The following MAD1L1 variants were observed in gnomAD, a reference collection of about 807,000 sequenced individuals.
MAD1L1 encodes the protein mitotic spindle assembly checkpoint protein MAD1.
Under a neutral mutation model 96.9 loss-of-function variants are expected in MAD1L1, and 95 were observed. The observed-to-expected ratio is 0.98, with a 90% CI of 0.83 to 1.16. The LOEUF (loss-of-function observed/expected upper bound fraction) is 1.16. Ranked by LOEUF, MAD1L1 falls within the 50% of genes most tolerant of loss-of-function variation. The probability of loss-of-function intolerance (pLI) is 0.00; values close to 1 mark genes in which losing one functional copy is unlikely to be tolerated. For synonymous variants in MAD1L1, 473 were observed against 396.6 expected, an observed-to-expected ratio of 1.19 and a Z score of -2.29; for missense variants, 1,007 against 954.4, an observed-to-expected ratio of 1.06 and a Z score of -0.73.
At chr7:1,938,899 G>T (rs1778773634) in intron 16 of MAD1L1, among the ~76,000 whole-genome samples, 1 of 57,802 alleles carries the variant, frequency 1.7e-5, no homozygotes, top group Non-Finnish European at 2.8e-5. Flanking sequence ...GGGGCCAGAG[G>T]CGCGCACACA....
At chr7:2,046,146 G>A (rs1311876561) in intron 12 of MAD1L1, among the ~76,000 whole-genome samples, 1 of 152,160 alleles carries the variant, frequency 6.6e-6, no homozygotes, top group Non-Finnish European at 1.5e-5. Context: ...GGATGCGGGT[G>A]GTGGCGCAGG....
chr7:2,169,719 C>A (rs62443039), intron 10 of MAD1L1, among the ~76,000 whole-genome samples: 1 of 142,832 alleles, frequency 7.0e-6, no homozygotes, highest in East Asian at 2.0e-4. Flanking sequence ...GGCTGGACCA[C>A]AGTCTGGGTG....
chr7:1,888,541 CGT>C (rs10593378), intron 18 of MAD1L1, among the ~76,000 whole-genome samples: 147 of 141,810 alleles, frequency 1.0e-3, no homozygotes, highest in Non-Finnish European at 1.5e-3. Context: ...GTTGCCTGTG[CGT>C]GTGTGTGAGC....
chr7:2,228,022 C>T (rs988491272), intron 3 of MAD1L1, among the ~76,000 whole-genome samples: 2 of 146,710 alleles, frequency 1.4e-5, no homozygotes, highest in Non-Finnish European at 3.1e-5. Context: ...GGGGGCTCAG[C>T]AGGAGAGAGA....
intron 11 of MAD1L1, among the ~76,000 whole-genome samples, chr7:2,090,914 GC>G (rs1278417766): frequency 1.3e-5 from 2 of 152,170 alleles, no homozygotes; most frequent in African/African-American, 4.8e-5. Flanking sequence ...TCTCTTGAGG[GC>G]AGAGAACTAC....
rs1235318780 is a variant in MAD1L1 at position 2,043,937 on chromosome 7, G to A, written c.1218+25257C>T. On this transcript the variant is annotated intron_variant, in intron 12 of 18. Transcript: ENST00000265854. ...CAGGAACAGGGTGTGGGTGGCGGCC[G>A]CGGGCTCGGACGTGACTCAAGCACA... Among the ~76,000 whole-genome samples the A allele has an allele frequency of 1.1e-4, 17 of 152,222 alleles. 1 individual carries two copies. Among genetic ancestry groups the A allele is most frequent in the Admixed American group, 9.2e-4 (14 of 15,292 alleles).
At chr7:2,008,239 C>T (rs1280770678) in intron 13 of MAD1L1, among the ~76,000 whole-genome samples, 1 of 152,192 alleles carries the variant, frequency 6.6e-6, no homozygotes, top group Non-Finnish European at 1.5e-5. Flanking sequence ...GAGCAGCTCC[C>T]GCAGGGCCTC....
chr7:2,216,296 G>A lies in MAD1L1; in HGVS notation c.679-9C>T, dbSNP rs906209810. On this transcript the variant is annotated splice_polypyrimidine_tract_variant and intron_variant, in intron 7 of 18. Transcript: ENST00000265854. ...AGCTTCTGCTCCAGATCCTGATGGAGGCCAGGGACAGAGAAGAAGGGAAAA... is the reference window on the plus strand; with the variant it reads ...AGCTTCTGCTCCAGATCCTGATGGAAGCCAGGGACAGAGAAGAAGGGAAAA... The A allele has an allele frequency of 6.2e-7, 1 of 1,612,096 alleles. No individual in the cohort carries two copies. Among genetic ancestry groups the A allele is most frequent in the Non-Finnish European group, 8.5e-7 (1 of 1,179,514 alleles).
At chr7:1,934,570 AAC>A (rs1233493126) in intron 17 of MAD1L1, among the ~76,000 whole-genome samples, 1 of 151,610 alleles carries the variant, frequency 6.6e-6, no homozygotes, top group Non-Finnish European at 1.5e-5. Context: ...CAGGGGAACA[AAC>A]ACACGAGCGA....
At chr7:2,113,344 C>T (rs535497044) in intron 11 of MAD1L1, among the ~76,000 whole-genome samples, 326 of 152,308 alleles carry the variant, frequency 2.1e-3, no homozygotes, top group African/African-American at 7.6e-3. Context: ...CTTTGGGAGG[C>T]TGAGGTGGGT....
chr7:2,014,699 G>C (rs1782456658), intron 12 of MAD1L1, 57 bp from the exon 13 acceptor site: 2 of 1,540,204 alleles, frequency 1.3e-6, no homozygotes, highest in Non-Finnish European at 8.8e-7. Context: ...GGTAATGATG[G>C]AGACGGCTCA....
chr7:1,878,147 G>C (rs1196124105), intron 18 of MAD1L1, among the ~76,000 whole-genome samples: 2 of 152,100 alleles, frequency 1.3e-5, no homozygotes, highest in African/African-American at 4.8e-5. Flanking sequence ...CATCTGAGTA[G>C]TTCTATATCT....
chr7:2,137,679 C>A (rs968558237), intron 11 of MAD1L1, among the ~76,000 whole-genome samples: 2 of 152,206 alleles, frequency 1.3e-5, no homozygotes, highest in Non-Finnish European at 2.9e-5. Flanking sequence ...GGAAACAGAG[C>A]GCTTTCCCCA....
chr7:2,020,947 C>G (rs1347790548), intron 12 of MAD1L1, among the ~76,000 whole-genome samples: 2 of 151,588 alleles, frequency 1.3e-5, no homozygotes, highest in Non-Finnish European at 2.9e-5. Context: ...ACAACATATG[C>G]AGAAAGTATA....
intron 18 of MAD1L1, among the ~76,000 whole-genome samples, chr7:1,862,850 T>C (rs1316531208): frequency 6.6e-6 from 1 of 152,200 alleles, no homozygotes; most frequent in African/African-American, 2.4e-5. Context: ...GAAACCCTCA[T>C]CTACTGGTCT....
intron 11 of MAD1L1, among the ~76,000 whole-genome samples, chr7:2,099,442 T>C (rs1786666555): frequency 6.6e-6 from 1 of 152,278 alleles, no homozygotes. Flanking sequence ...GTAATGTTTC[T>C]AATCTGTGCT....
intron 3 of MAD1L1, 94 bp from the exon 4 acceptor site, chr7:2,225,644 C>G: frequency 1.1e-5 from 15 of 1,366,260 alleles, no homozygotes; most frequent in Non-Finnish European, 1.5e-5. Context: ...CCCTGAGGAC[C>G]CATTCCCGCA....
intron 13 of MAD1L1, among the ~76,000 whole-genome samples, chr7:2,013,279 C>T (rs1017410058): frequency 1.3e-5 from 2 of 152,266 alleles, no homozygotes; most frequent in Admixed American, 6.5e-5. Flanking sequence ...CAGCCTACAA[C>T]AGGGCAACAG....
intron 4 of MAD1L1, among the ~76,000 whole-genome samples, chr7:2,224,701 A>G (rs1488407237): frequency 6.6e-6 from 1 of 152,148 alleles, no homozygotes; most frequent in African/African-American, 2.4e-5. Context: ...CAGCATTTCC[A>G]CAACTGATCA....
Sources: gnomAD v4.1 joint callset for allele counts (sites outside exome capture counted in the v4.1 genomes callset) on GRCh38, gnomAD v4.1.1 for gene constraint, MANE v1.5 for transcripts, NCBI Gene and HGNC (gene_info 2026-07-23, HGNC 2026-07-21) for gene names.